TRAPPC8: variants seen among roughly 807,000 people sequenced by gnomAD.
TRAPPC8 encodes the protein trafficking protein particle complex subunit 8, also known as general sporulation gene 1 homolog.
In TRAPPC8, 54 loss-of-function variants were observed where a neutral mutation model predicts 174.3. That is an observed-to-expected ratio of 0.31 (90% CI 0.25 to 0.39). The LOEUF (loss-of-function observed/expected upper bound fraction) is 0.39, where lower values mean the gene tolerates loss of function less well. Among genes scored for constraint, TRAPPC8 ranks in the 10% least tolerant of loss-of-function variants. The probability of loss-of-function intolerance (pLI) is 1.00; values close to 1 mark genes in which losing one functional copy is unlikely to be tolerated. For synonymous variants in TRAPPC8, 630 were observed against 579.9 expected, an observed-to-expected ratio of 1.09 and a Z score of -1.24; for missense variants, 1,531 against 1,699.1, an observed-to-expected ratio of 0.90 and a Z score of 1.74.
chr18:31,920,239 T>C (rs780204638), intron 2 of TRAPPC8, among the ~76,000 whole-genome samples: 6 of 152,224 alleles, frequency 3.9e-5, no homozygotes, highest in Admixed American at 3.3e-4. Flanking sequence ...TCATATGAAA[T>C]TGGGTTTGTT....
Position 31,935,548 on chromosome 18 carries a change from T to TAAAAA in TRAPPC8, c.158-4030_158-4026dup, listed in dbSNP as rs10650702. ...GGGCAACAAGAGCGAAACTCCATCT[T>TAAAAA]AAAAAAAAAAAAAAAAAAAAGCAGG... On this transcript the variant is annotated intron_variant, in intron 1 of 28. Coordinates refer to ENST00000283351, the MANE Select transcript of TRAPPC8 (RefSeq NM_014939.5). Among the ~76,000 whole-genome samples, 130 of 46,266 alleles carry TAAAAA rather than the reference T, an allele frequency of 2.8e-3. 13 individuals are homozygous for TAAAAA. Among genetic ancestry groups the TAAAAA allele is most frequent in the Middle Eastern group, 0.013 (1 of 78 alleles). The allele number at this position is 46,266 out of a possible 152,430, so 30.4% of individuals were successfully genotyped here.
At chr18:31,848,736 G>C (rs575753376) in intron 25 of TRAPPC8, among the ~76,000 whole-genome samples, 1 of 152,092 alleles carries the variant, frequency 6.6e-6, no homozygotes, top group Non-Finnish European at 1.5e-5. Context: ...TCAAAACCTT[G>C]TCACAAAGTT....
intron 1 of TRAPPC8, 112 bp downstream of exon 1, chr18:31,942,496 G>A: frequency 7.4e-7 from 1 of 1,343,048 alleles, no homozygotes; most frequent in Non-Finnish European, 9.7e-7. Flanking sequence ...AGACGCCACG[G>A]TACCGGCTCC....
chr18:31,900,857 GAAA>G (rs562971718), intron 10 of TRAPPC8, 65 bp downstream of exon 10: 1,118 of 985,060 alleles, frequency 1.1e-3, no homozygotes, highest in South Asian at 2.1e-3. Flanking sequence ...TAGGAATGGG[GAAA>G]AAAAAAAAAA....
intron 19 of TRAPPC8, among the ~76,000 whole-genome samples, chr18:31,859,365 T>C (rs1172253978): frequency 6.6e-6 from 1 of 152,162 alleles, no homozygotes; most frequent in African/African-American, 2.4e-5. Flanking sequence ...GGGATTAATG[T>C]AGAAATCCCG....
chr18:31,860,178 T>A (rs575161331), intron 19 of TRAPPC8, among the ~76,000 whole-genome samples: 2 of 152,294 alleles, frequency 1.3e-5, no homozygotes, highest in African/African-American at 4.8e-5. Context: ...TATACATGTG[T>A]GAGTACAAAA....
Position 31,839,464 on chromosome 18 carries a change from A to C in TRAPPC8, c.3838-7T>G. 1 of 1,580,864 alleles carries C rather than the reference A, an allele frequency of 6.3e-7. No individual in the cohort carries two copies. Among genetic ancestry groups the C allele is most frequent in the Non-Finnish European group, 8.5e-7 (1 of 1,170,568 alleles). On this transcript the variant is annotated splice_polypyrimidine_tract_variant and splice_region_variant and intron_variant, in intron 26 of 28. Coordinates refer to ENST00000283351, the MANE Select transcript of TRAPPC8 (RefSeq NM_014939.5). ...GTTCCATTTCTGGTGGCTCCTGAGA[A>C]AAGAAAGAAAAAACATATGACAATA...
At chr18:31,854,659 A>G (rs1445634546) in intron 21 of TRAPPC8, among the ~76,000 whole-genome samples, 1 of 151,986 alleles carries the variant, frequency 6.6e-6, no homozygotes, top group Non-Finnish European at 1.5e-5. Context: ...GAGAGATCAC[A>G]CTCTCATCTT....
At chr18:31,844,661 G>T (rs2033289421) in intron 26 of TRAPPC8, 1 of 150,580 alleles carries the variant, frequency 6.6e-6, no homozygotes, top group Non-Finnish European at 1.5e-5. Flanking sequence ...ACCTTGCAGT[G>T]AGCCGAGATT....
chr18:31,904,127 T>C (rs116798021), intron 9 of TRAPPC8, among the ~76,000 whole-genome samples: 3,386 of 151,678 alleles, frequency 0.022, 117 homozygotes, highest in African/African-American at 0.076. Context: ...TCCCAGCTAC[T>C]GTGGGGGGCT....
At chr18:31,930,404 G>A (rs1354585667) in intron 2 of TRAPPC8, among the ~76,000 whole-genome samples, 1 of 152,158 alleles carries the variant, frequency 6.6e-6, no homozygotes, top group Non-Finnish European at 1.5e-5. Flanking sequence ...ACAGGGGTAA[G>A]CCACCACGCC....
Position 31,942,813 on chromosome 18 carries a change from A to AGGTTATCCTGCGG in TRAPPC8, c.-62_-50dup. The AGGTTATCCTGCGG allele has an allele frequency of 7.7e-7, 1 of 1,302,334 alleles. No homozygotes were observed. The highest frequency in any genetic ancestry group is 9.8e-7 in the Non-Finnish European group (1 of 1,020,326). 80.7% of individuals were successfully genotyped at this position (1,302,334 alleles called of 1,614,324 possible). On this transcript the variant is annotated 5_prime_UTR_variant, in exon 1 of 29. Transcript: ENST00000283351. Reference sequence around the variant, plus strand: ...CGCCCGCCCTCCGGCCCACCCTGCGAGGTTATCCTGCGGCTGCAGCAGCTA... The same window carrying AGGTTATCCTGCGG: ...CGCCCGCCCTCCGGCCCACCCTGCGAGGTTATCCTGCGGGGTTATCCTGCGGCTGCAGCAGCTA...
chr18:31,870,875 T>G, intron 15 of TRAPPC8, 51 bp downstream of exon 15: 1 of 1,384,716 alleles, frequency 7.2e-7, no homozygotes, highest in Non-Finnish European at 9.6e-7. Flanking sequence ...ATCTTCATCA[T>G]GCTGTAAGTA....
chr18:31,859,115 C>A (rs200566036), intron 19 of TRAPPC8, among the ~76,000 whole-genome samples: 5 of 134,752 alleles, frequency 3.7e-5, no homozygotes, highest in Non-Finnish European at 4.9e-5. Context: ...AACAAACAAA[C>A]AAAAAAACAG....
chr18:31,874,366 G>A, intron 13 of TRAPPC8, 114 bp downstream of exon 13: 2 of 1,127,306 alleles, frequency 1.8e-6, no homozygotes, highest in Non-Finnish European at 1.2e-6. Context: ...GCTTTTTTAT[G>A]ACTGATAACT....
intron 21 of TRAPPC8, 137 bp from the exon 22 acceptor site, chr18:31,854,082 A>G (rs957344155): frequency 1.5e-6 from 1 of 677,938 alleles, no homozygotes; most frequent in African/African-American, 1.9e-5. Flanking sequence ...TACATTTCCA[A>G]AAACTTATTT....
chr18:31,938,713 A>T (rs1158081861), intron 1 of TRAPPC8, among the ~76,000 whole-genome samples: 2 of 152,206 alleles, frequency 1.3e-5, no homozygotes, highest in Non-Finnish European at 2.9e-5. Flanking sequence ...CCTCTAAGGA[A>T]ATGTTAGCTG....
chr18:31,871,007 T>C lies in TRAPPC8; in HGVS notation c.2176A>G (p.Ile726Val), dbSNP rs1211581697. 1.9e-6 allele frequency: 3 copies of C among 1,611,604 alleles called. No homozygotes were observed. Among genetic ancestry groups the C allele is most frequent in the African/African-American group, 1.3e-5 (1 of 74,868 alleles). The change falls in exon 15 of 29, where the codon ATT (isoleucine) becomes GTT (valine). Residue 726 changes from isoleucine to valine, a missense_variant. Coordinates refer to ENST00000283351, the MANE Select transcript of TRAPPC8 (RefSeq NM_014939.5). ...TGTGTGGGATGAAAATTGGATGGAA[T>C]TACTCCTTTGTTAACCACAGAAACA... ...QVVSVVNKGV[I>V]PSNFHPTQYC... is the part of the protein sequence containing the mutation.
chr18:31,940,708 A>G (rs2038296389), intron 1 of TRAPPC8, among the ~76,000 whole-genome samples: 1 of 151,978 alleles, frequency 6.6e-6, no homozygotes, highest in African/African-American at 2.4e-5. Flanking sequence ...CATGTTGGCC[A>G]GGATGGTCTC....
Sources: allele counts gnomAD v4.1 joint callset (sites outside exome capture counted in the v4.1 genomes callset), GRCh38; gene constraint gnomAD v4.1.1; transcripts MANE v1.5; gene names NCBI Gene and HGNC (gene_info 2026-07-23, HGNC 2026-07-21).